The following SYNPR variants were observed in gnomAD, a reference collection of about 807,000 sequenced individuals.
SYNPR encodes the protein synaptoporin.
A neutral mutation model predicts 32.9 loss-of-function variants in SYNPR; 23 were observed. The ratio of observed to expected loss-of-function variants is 0.70; its 90% CI spans 0.50 to 0.99. The LOEUF (loss-of-function observed/expected upper bound fraction) is 0.99. Among genes scored for constraint, SYNPR ranks in the 50% least tolerant of loss-of-function variants. The pLI, the probability that SYNPR is intolerant of heterozygous loss-of-function variation, is 0.00. For missense variants in SYNPR, 318 were observed against 349.3 expected (o/e 0.91, Z 0.71); for synonymous variants, 146 against 135.9 (o/e 1.07, Z -0.52).
intron 1 of SYNPR, among the ~76,000 whole-genome samples, chr3:63,244,234 G>T (rs148176544): frequency 2.0e-5 from 3 of 152,144 alleles, no homozygotes; most frequent in East Asian, 1.9e-4. Flanking sequence ...CACAGATAAT[G>T]TATCTAATAT....
chr3:63,486,379 A>G (rs558450431), intron 3 of SYNPR, among the ~76,000 whole-genome samples: 1 of 152,250 alleles, frequency 6.6e-6, no homozygotes, highest in Non-Finnish European at 1.5e-5. Flanking sequence ...CTCATGTGGC[A>G]TAACACTAAG....
intron 3 of SYNPR, among the ~76,000 whole-genome samples, chr3:63,545,017 T>C (rs552856767): frequency 1.7e-5 from 2 of 117,132 alleles, no homozygotes; most frequent in African/African-American, 5.7e-5. Flanking sequence ...ATATTGCCTT[T>C]GATTTAGGGG....
At chr3:63,465,848 A>C (rs1575658784) in intron 2 of SYNPR, among the ~76,000 whole-genome samples, 1 of 152,106 alleles carries the variant, frequency 6.6e-6, no homozygotes, top group African/African-American at 2.4e-5. Flanking sequence ...ATTGAATCTA[A>C]ATTTTTTTTT....
intron 1 of SYNPR, among the ~76,000 whole-genome samples, chr3:63,239,086 T>C (rs1469169430): frequency 6.6e-6 from 1 of 152,140 alleles, no homozygotes; most frequent in Admixed American, 6.6e-5. Flanking sequence ...TTAGGTTGTA[T>C]GTGCACAGGC....
chr3:63,609,633 G>T (rs765924827), intron 5 of SYNPR, among the ~76,000 whole-genome samples: 1 of 152,158 alleles, frequency 6.6e-6, no homozygotes, highest in African/African-American at 2.4e-5. Context: ...TTGGCCGGAC[G>T]CAATGGCTCA....
At chr3:63,292,787 GCA>G (rs1254639769) in intron 2 of SYNPR, among the ~76,000 whole-genome samples, 1 of 152,198 alleles carries the variant, frequency 6.6e-6, no homozygotes, top group African/African-American at 2.4e-5. Flanking sequence ...ATGTGCGCAT[GCA>G]CACACACATG....
rs749251901 is a variant in SYNPR at position 63,615,457 on chromosome 3, C to G, written c.834C>G (p.Pro278=). The change falls in exon 6 of 6, where the codon CCC becomes CCG. Residue 278 remains proline, a synonymous_variant. Coordinates refer to ENST00000478300, the MANE Select transcript of SYNPR (RefSeq NM_001130003.2). ...AGTTTGGCCAACAGCCTACTGGCCC[C>G]ACTTCCTTTACCAATCAGATTTAAC... The part of the protein sequence containing the change: ...SDEFGQQPTG[P]TSFTNQI 1 of 1,613,966 alleles carries G rather than the reference C, an allele frequency of 6.2e-7. No individual in the cohort carries two copies. The highest frequency in any genetic ancestry group is 8.5e-7 in the Non-Finnish European group (1 of 1,179,872).
chr3:63,605,500 A>C (rs1700104734), intron 4 of SYNPR, among the ~76,000 whole-genome samples: 1 of 152,208 alleles, frequency 6.6e-6, no homozygotes, highest in Admixed American at 6.5e-5. Context: ...ACAGCCATTC[A>C]TTTCAGAAAT....
At chr3:63,443,280 A>G (rs1700214213) in intron 2 of SYNPR, 11 of 1,464,364 alleles carry the variant, frequency 7.5e-6, no homozygotes, top group African/African-American at 1.4e-5. Context: ...TCTGATTGGT[A>G]TAACATCTCA....
intron 2 of SYNPR, among the ~76,000 whole-genome samples, chr3:63,428,820 G>A (rs1230938028): frequency 6.6e-6 from 1 of 152,226 alleles, no homozygotes; most frequent in East Asian, 1.9e-4. Flanking sequence ...TTGCAAGGCA[G>A]CTTAAGACCT....
chr3:63,286,378 C>T (rs2086681486), intron 2 of SYNPR, among the ~76,000 whole-genome samples: 2 of 152,126 alleles, frequency 1.3e-5, no homozygotes, highest in African/African-American at 4.8e-5. Flanking sequence ...ACACAGTGGC[C>T]CCAACTGAAT....
intron 4 of SYNPR, among the ~76,000 whole-genome samples, chr3:63,605,946 T>A (rs1024672119): frequency 6.6e-6 from 1 of 152,258 alleles, no homozygotes; most frequent in Admixed American, 6.5e-5. Context: ...ATTATTGTTG[T>A]TGCTGTCATT....
chr3:63,489,229 C>A (rs891256826), intron 3 of SYNPR, among the ~76,000 whole-genome samples: 6 of 152,082 alleles, frequency 3.9e-5, no homozygotes, highest in Non-Finnish European at 7.4e-5. Flanking sequence ...AAACTGTGGG[C>A]GACATGCTCC....
chr3:63,433,323 G>A (rs574802067), intron 2 of SYNPR, among the ~76,000 whole-genome samples: 1 of 152,240 alleles, frequency 6.6e-6, no homozygotes, highest in African/African-American at 2.4e-5. Flanking sequence ...CTCTTAATTT[G>A]TATCATTTAA....
intron 2 of SYNPR, among the ~76,000 whole-genome samples, chr3:63,257,588 C>T (rs2086396033): frequency 6.6e-6 from 1 of 152,094 alleles, no homozygotes; most frequent in African/African-American, 2.4e-5. Flanking sequence ...TGGAAAGGAA[C>T]AACCAGTAAC....
intron 2 of SYNPR, among the ~76,000 whole-genome samples, chr3:63,321,975 TC>T (rs1004914641): frequency 1.3e-5 from 2 of 152,038 alleles, no homozygotes; most frequent in African/African-American, 4.8e-5. Flanking sequence ...TTGTAACTGT[TC>T]CTCTTGGGTG....
chr3:63,302,718 C>A (rs1480113549), intron 2 of SYNPR, among the ~76,000 whole-genome samples: 2 of 151,858 alleles, frequency 1.3e-5, no homozygotes, highest in African/African-American at 4.8e-5. Flanking sequence ...ATGTTTGTTT[C>A]TCTAAAAATA....
At chr3:63,441,463 G>A (rs1019439092) in intron 2 of SYNPR, among the ~76,000 whole-genome samples, 1 of 152,190 alleles carries the variant, frequency 6.6e-6, no homozygotes, top group Non-Finnish European at 1.5e-5. Context: ...CCCCTTATCA[G>A]CCACCTGGAG....
At position 63,334,997 on chromosome 3, in the gene SYNPR, CAG is replaced by C. The variant is rs2087270283; in HGVS notation, c.84+56258_84+56259del. ...GGCTACAGCTCTGTTCTCTGGGGTACAGAGTCCAGGGAGAGACAACTGTTAAT... is the reference window on the plus strand; with the variant it reads ...GGCTACAGCTCTGTTCTCTGGGGTACAGTCCAGGGAGAGACAACTGTTAAT... On this transcript the variant is annotated intron_variant, in intron 2 of 5. Transcript: ENST00000478300. 3.9e-5 allele frequency among the ~76,000 whole-genome samples: 6 copies of C among 152,284 alleles called. No homozygotes were observed. The South Asian group carries it at 1.2e-3, about 32-fold the overall frequency.
Sources: gnomAD v4.1 joint callset for allele counts (sites outside exome capture counted in the v4.1 genomes callset) on GRCh38, gnomAD v4.1.1 for gene constraint, MANE v1.5 for transcripts, NCBI Gene and HGNC (gene_info 2026-07-23, HGNC 2026-07-21) for gene names.